ANKS1B: variants seen among roughly 807,000 people sequenced by gnomAD.
ANKS1B encodes the protein ankyrin repeat and sterile alpha motif domain containing 1B.
ANKS1B carries 36 observed loss-of-function variants against 148.3 expected under a neutral mutation model. That is an observed-to-expected ratio of 0.24 (90% CI 0.19 to 0.32). The LOEUF (loss-of-function observed/expected upper bound fraction) is 0.32. ANKS1B is among the 10% of genes least tolerant of loss of function. ANKS1B has a pLI of 1.00. For missense variants in ANKS1B, 1,157 were observed against 1,542.6 expected (o/e 0.75, Z 4.19); for synonymous variants, 542 against 560.8 (o/e 0.97, Z 0.47).
intron 17 of ANKS1B, among the ~76,000 whole-genome samples, chr12:98,898,201 T>A (rs1000922359): frequency 6.6e-5 from 10 of 152,054 alleles, no homozygotes; most frequent in African/African-American, 2.2e-4. Flanking sequence ...AAAATAAAAA[T>A]AAAAAATAAA....
intron 17 of ANKS1B, among the ~76,000 whole-genome samples, chr12:99,001,882 A>G (rs1373669569): frequency 3.3e-5 from 5 of 152,220 alleles, no homozygotes; most frequent in African/African-American, 9.6e-5. Context: ...GATTTCACAT[A>G]TAAGTAGAAT....
At chr12:99,193,059 A>G (rs1490190071) in intron 14 of ANKS1B, among the ~76,000 whole-genome samples, 4 of 152,192 alleles carry the variant, frequency 2.6e-5, no homozygotes, top group Non-Finnish European at 5.9e-5. Context: ...AAATTCTGGC[A>G]TCTCTTCCTA....
At chr12:98,946,323 C>T (rs973771342) in intron 17 of ANKS1B, among the ~76,000 whole-genome samples, 5 of 152,336 alleles carry the variant, frequency 3.3e-5, no homozygotes, top group African/African-American at 1.2e-4. Context: ...TCCCTGCACT[C>T]ACCTCTCCAG....
chr12:98,912,596 C>T (rs1229730026), intron 17 of ANKS1B, among the ~76,000 whole-genome samples: 3 of 152,122 alleles, frequency 2.0e-5, no homozygotes, highest in Non-Finnish European at 4.4e-5. Flanking sequence ...TTTGAAGGCA[C>T]GAATGGTCTC....
At position 99,898,525 on chromosome 12, in the gene ANKS1B, T is replaced by C. The variant is rs141222472; in HGVS notation, c.135-73136A>G. Among the ~76,000 whole-genome samples, 1,044 of 152,290 alleles carry C rather than the reference T, an allele frequency of 6.9e-3. 7 individuals are homozygous for C. Among genetic ancestry groups the C allele is most frequent in the African/African-American group, 0.024 (994 of 41,550 alleles). On this transcript the variant is annotated intron_variant, in intron 1 of 26. Coordinates refer to ENST00000683438, the MANE Select transcript of ANKS1B (RefSeq NM_001352186.2). Reference sequence around the variant, plus strand: ...TTCTGTGAGTGTCCAGCCCTGATCCTGTGTCTTTGGTTTAAAAGAAAAAAA... The same window carrying C: ...TTCTGTGAGTGTCCAGCCCTGATCCCGTGTCTTTGGTTTAAAAGAAAAAAA...
chr12:99,626,848 A>G (rs2098116329), intron 9 of ANKS1B, among the ~76,000 whole-genome samples: 1 of 152,198 alleles, frequency 6.6e-6, no homozygotes, highest in Non-Finnish European at 1.5e-5. Flanking sequence ...GGTCAGGTGT[A>G]TTATGATCCG....
At chr12:99,532,392 C>T (rs1482080575) in intron 9 of ANKS1B, among the ~76,000 whole-genome samples, 1 of 152,090 alleles carries the variant, frequency 6.6e-6, no homozygotes, top group Non-Finnish European at 1.5e-5. Context: ...GACGGAGTCT[C>T]GCTCTGTCGC....
chr12:99,031,007 C>G (rs1246338138), intron 17 of ANKS1B, among the ~76,000 whole-genome samples: 1 of 152,196 alleles, frequency 6.6e-6, no homozygotes, highest in Non-Finnish European at 1.5e-5. Context: ...AAAGATGGAA[C>G]AAAATTGGTC....
intron 17 of ANKS1B, chr12:98,954,398 A>G (rs1246738589): frequency 2.0e-5 from 3 of 152,226 alleles, no homozygotes; most frequent in Non-Finnish European, 2.9e-5. Context: ...TATAGTTTGA[A>G]TGTAACCTCT....
At chr12:99,952,535 A>G (rs758418896) in intron 1 of ANKS1B, among the ~76,000 whole-genome samples, 1 of 152,130 alleles carries the variant, frequency 6.6e-6, no homozygotes, top group Non-Finnish European at 1.5e-5. Flanking sequence ...GAGTTTTTGG[A>G]AGTATTCTTC....
chr12:99,644,277 C>A (rs2153424939), intron 9 of ANKS1B, among the ~76,000 whole-genome samples: 1 of 152,226 alleles, frequency 6.6e-6, no homozygotes. Flanking sequence ...GAGTCCTTAT[C>A]AGAAGCACCT....
At position 98,834,524 on chromosome 12, in the gene ANKS1B, TTTGAG is replaced by T. The variant is rs1283875227; in HGVS notation, c.2779-2393_2779-2389del. ...AAGCCCTTTAATCTAGGAGGGATGA[TTTGAG>T]TTATTTTTCCCTAAATTTCTTATCT... On this transcript the variant is annotated intron_variant, in intron 17 of 26. Transcript: ENST00000683438. 1.3e-4 allele frequency among the ~76,000 whole-genome samples: 20 copies of T among 152,314 alleles called. No homozygotes were observed. In the East Asian group the frequency reaches 2.1e-3, roughly 16 times the overall value.
chr12:99,939,721 T>C (rs1603473242), intron 1 of ANKS1B, among the ~76,000 whole-genome samples: 1 of 152,342 alleles, frequency 6.6e-6, no homozygotes, highest in East Asian at 1.9e-4. Flanking sequence ...TGTTCAACTG[T>C]TACTGTATTT....
intron 12 of ANKS1B, among the ~76,000 whole-genome samples, chr12:99,259,525 A>G (rs1383199612): frequency 6.6e-6 from 1 of 152,196 alleles, no homozygotes; most frequent in Non-Finnish European, 1.5e-5. Flanking sequence ...TCTGATTTCA[A>G]ACATTTATAA....
intron 1 of ANKS1B, among the ~76,000 whole-genome samples, chr12:99,863,080 C>G (rs534127412): frequency 1.3e-5 from 2 of 152,132 alleles, no homozygotes; most frequent in African/African-American, 4.8e-5. Context: ...ATGTGTGCTG[C>G]GCCATTCATA....
chr12:99,320,561 C>G (rs1163501469), intron 12 of ANKS1B, among the ~76,000 whole-genome samples: 1 of 152,194 alleles, frequency 6.6e-6, no homozygotes, highest in Non-Finnish European at 1.5e-5. Flanking sequence ...TTAAGGTCTT[C>G]TCTACACTGT....
chr12:99,069,703 C>T (rs1027459458), intron 16 of ANKS1B, among the ~76,000 whole-genome samples: 23 of 152,144 alleles, frequency 1.5e-4, no homozygotes, highest in African/African-American at 5.3e-4. Context: ...CTTGGGTACT[C>T]GTTTCCTTTG....
chr12:99,154,622 A>G (rs1348633009), intron 14 of ANKS1B: 2 of 1,450,936 alleles, frequency 1.4e-6, no homozygotes, highest in Admixed American at 5.5e-5. Flanking sequence ...TCCTAGCTCC[A>G]CATTTCTTAC....
Position 99,984,371 on chromosome 12 carries a change from CCTGCAGCCCCAGGCAGGGAG to C in ANKS1B, c.-154_-135del. On this transcript the variant is annotated 5_prime_UTR_variant, in exon 1 of 27. Coordinates refer to ENST00000683438, the MANE Select transcript of ANKS1B (RefSeq NM_001352186.2). ...GCAAGAGCTTCAGCACGGAGAGCTC[CCTGCAGCCCCAGGCAGGGAG>C]CACGACTCTCTCCTCCTCTTCGGGG... 1 of 719,784 alleles carries C rather than the reference CCTGCAGCCCCAGGCAGGGAG, an allele frequency of 1.4e-6. No individual in the cohort carries two copies. Among genetic ancestry groups the C allele is most frequent in the African/African-American group, 1.8e-5 (1 of 56,138 alleles). The allele number at this position is 719,784 out of a possible 1,614,324, so 44.6% of individuals were successfully genotyped here.
Sources: allele counts gnomAD v4.1 joint callset (sites outside exome capture counted in the v4.1 genomes callset), GRCh38; gene constraint gnomAD v4.1.1; transcripts MANE v1.5; gene names NCBI Gene and HGNC (gene_info 2026-07-23, HGNC 2026-07-21).